Variants in SV2C observed in about 807,000 individuals in gnomAD.
SV2C encodes solute carrier family 22 member B3.
Under a neutral mutation model 79.7 loss-of-function variants are expected in SV2C, and 49 were observed. That is an observed-to-expected ratio of 0.61 (90% CI 0.49 to 0.78). The LOEUF (loss-of-function observed/expected upper bound fraction) is 0.78. SV2C is among the 30% of genes least tolerant of loss of function. SV2C has a pLI of 0.00. For synonymous variants in SV2C, 334 were observed against 333.2 expected (o/e 1.00, Z -0.03); for missense variants, 833 against 912.9 (o/e 0.91, Z 1.13).
the SV2C span, among the ~76,000 whole-genome samples, chr5:75,968,273 C>T: frequency 2.0e-5 from 3 of 152,188 alleles, no homozygotes; most frequent in Admixed American, 6.5e-5. Flanking sequence ...GAGCGCTTCT[C>T]CTCCTCCAAA....
At chr5:76,205,856 C>T (rs766843063) in intron 3 of SV2C, among the ~76,000 whole-genome samples, 2 of 152,146 alleles carry the variant, frequency 1.3e-5, no homozygotes, top group African/African-American at 2.4e-5. Context: ...GGGTGTTTAG[C>T]AGCGTCTCTG....
the SV2C span, among the ~76,000 whole-genome samples, chr5:75,988,825 C>T: frequency 6.6e-6 from 1 of 151,976 alleles, no homozygotes; most frequent in African/African-American, 2.4e-5. Context: ...CCCCTTTTCA[C>T]TCTACAGACA....
intron 2 of SV2C, among the ~76,000 whole-genome samples, chr5:76,190,221 C>T (rs1036492898): frequency 1.3e-5 from 2 of 152,190 alleles, no homozygotes; most frequent in African/African-American, 4.8e-5. Flanking sequence ...ACCATCATAA[C>T]AGGTCTAGGG....
At chr5:76,035,518 A>T in the SV2C span, among the ~76,000 whole-genome samples, 5 of 152,152 alleles carry the variant, frequency 3.3e-5, no homozygotes. Flanking sequence ...CCCAGTAGTC[A>T]TTCAGGAGCA....
chr5:76,134,542 T>C (rs1266090357), intron 2 of SV2C, among the ~76,000 whole-genome samples: 2 of 152,350 alleles, frequency 1.3e-5, no homozygotes, highest in African/African-American at 4.8e-5. Flanking sequence ...AAATAATTTC[T>C]CATTTGCTAC....
At chr5:75,955,142 C>G in the SV2C span, among the ~76,000 whole-genome samples, 641 of 151,188 alleles carry the variant, frequency 4.2e-3, 6 homozygotes, top group African/African-American at 0.015. Context: ...TGACTTCAAA[C>G]TATACTACAA....
At chr5:76,072,697 T>C in the SV2C span, among the ~76,000 whole-genome samples, 1 of 152,214 alleles carries the variant, frequency 6.6e-6, no homozygotes, top group Non-Finnish European at 1.5e-5. Context: ...TTTTCCATAG[T>C]GATTGTACTA....
the SV2C span, among the ~76,000 whole-genome samples, chr5:75,899,296 A>T: frequency 6.0e-4 from 92 of 152,336 alleles, 1 homozygote; most frequent in South Asian, 2.7e-3. Flanking sequence ...TTCAAAGAAC[A>T]TCTTTATTTC....
At chr5:76,276,623 T>C (rs1747029831) in intron 4 of SV2C, among the ~76,000 whole-genome samples, 1 of 150,796 alleles carries the variant, frequency 6.6e-6, no homozygotes, top group African/African-American at 2.4e-5. Context: ...CTACAGTACC[T>C]GGCCTTTTCT....
intron 4 of SV2C, among the ~76,000 whole-genome samples, chr5:76,275,751 C>A (rs1290252534): frequency 6.6e-6 from 1 of 152,192 alleles, no homozygotes; most frequent in Non-Finnish European, 1.5e-5. Context: ...ACATATAATA[C>A]TTTTATTAGC....
chr5:76,134,524 G>T (rs1278160274), intron 2 of SV2C, among the ~76,000 whole-genome samples: 1 of 152,226 alleles, frequency 6.6e-6, no homozygotes, highest in Non-Finnish European at 1.5e-5. Flanking sequence ...TGAGGATATA[G>T]ATTTGCAAAA....
chr5:76,017,762 T>C, the SV2C span, among the ~76,000 whole-genome samples: 1 of 152,166 alleles, frequency 6.6e-6, no homozygotes, highest in African/African-American at 2.4e-5. Context: ...AAAGCTAAAA[T>C]CCACCTCCCT....
intron 4 of SV2C, among the ~76,000 whole-genome samples, chr5:76,230,169 C>T (rs751799641): frequency 4.3e-4 from 65 of 152,184 alleles, no homozygotes; most frequent in Admixed American, 1.3e-4. Context: ...AGGACTATAT[C>T]GTGTTGTCAT....
chr5:75,861,087 A>G, the SV2C span, among the ~76,000 whole-genome samples: 2 of 152,208 alleles, frequency 1.3e-5, no homozygotes, highest in African/African-American at 2.4e-5. Flanking sequence ...TCTGACAAAG[A>G]TATAATGTCC....
chr5:75,984,423 C>A, the SV2C span, among the ~76,000 whole-genome samples: 2 of 152,022 alleles, frequency 1.3e-5, no homozygotes, highest in Non-Finnish European at 2.9e-5. Flanking sequence ...TTGCAGCAAG[C>A]CTGTGAGGTT....
intron 2 of SV2C, among the ~76,000 whole-genome samples, chr5:76,145,442 A>G (rs972873450): frequency 6.6e-6 from 1 of 152,220 alleles, no homozygotes; most frequent in African/African-American, 2.4e-5. Context: ...TAATATTTAA[A>G]TTTAGATAAT....
chr5:75,877,692 T>C, the SV2C span, among the ~76,000 whole-genome samples: 1 of 151,944 alleles, frequency 6.6e-6, no homozygotes, highest in Non-Finnish European at 1.5e-5. Context: ...TGAATGCATT[T>C]AAAAGGAGAA....
chr5:76,171,634 G>T (rs1743260461), intron 2 of SV2C, among the ~76,000 whole-genome samples: 1 of 144,560 alleles, frequency 6.9e-6, no homozygotes, highest in African/African-American at 2.5e-5. Context: ...CCCCCGCCCG[G>T]CCAGCCGCCC....
At chr5:75,956,557 A>T in the SV2C span, among the ~76,000 whole-genome samples, 4 of 151,968 alleles carry the variant, frequency 2.6e-5, no homozygotes, top group African/African-American at 9.7e-5. Context: ...AATAATAATA[A>T]TAAAAAGAGC....
Sources: gnomAD v4.1 joint callset for allele counts (sites outside exome capture counted in the v4.1 genomes callset) on GRCh38, gnomAD v4.1.1 for gene constraint, MANE v1.5 for transcripts, NCBI Gene and HGNC (gene_info 2026-07-23, HGNC 2026-07-21) for gene names.